RSBN1L: variants seen among roughly 807,000 people sequenced by gnomAD.
RSBN1L encodes lysine-specific demethylase RSBN1L.
RSBN1L carries 30 observed loss-of-function variants against 67.7 expected under a neutral mutation model. The observed-to-expected ratio is 0.44, with a 90% CI of 0.33 to 0.60. The LOEUF is 0.60. RSBN1L is among the 20% of genes least tolerant of loss of function. RSBN1L has a pLI of 0.02. For missense variants in RSBN1L, 992 were observed against 1,031.7 expected, an observed-to-expected ratio of 0.96 and a Z score of 0.53; for synonymous variants, 433 against 387.0, an observed-to-expected ratio of 1.12 and a Z score of -1.39.
intron 6 of RSBN1L, among the ~76,000 whole-genome samples, chr7:77,777,168 T>C (rs1040681703): frequency 6.6e-6 from 1 of 151,982 alleles, no homozygotes; most frequent in Non-Finnish European, 1.5e-5. Context: ...ATTTATTCCC[T>C]CCCCCCTCAC....
chr7:77,700,820 A>C (rs1166684014), intron 1 of RSBN1L, among the ~76,000 whole-genome samples: 1 of 152,164 alleles, frequency 6.6e-6, no homozygotes, highest in East Asian at 1.9e-4. Context: ...CCACATGGGC[A>C]AATCTGTCAG....
In RSBN1L at chr7:77,749,742, A is replaced by G; in HGVS notation, c.1022A>G (p.Asp341Gly). 6.2e-7 allele frequency: 1 copy of G among 1,614,186 alleles called. No individual in the cohort carries two copies. Among genetic ancestry groups the G allele is most frequent in the Non-Finnish European group, 8.5e-7 (1 of 1,180,020 alleles). ...GTTCAGAATAACCTCAAAAGGTTGG[A>G]CACTTTGGAATTTAAACAACTCATT... ...PRVQNNLKRL[D>G]TLEFKQLIHI... The change falls in exon 3 of 8, where the codon GAC becomes GGC. Residue 341 changes from aspartate to glycine, a missense_variant. Physicochemically the swap from Asp to Gly is moderately conservative, Grantham distance 94 (BLOSUM62 -1). Coordinates refer to ENST00000334955, the MANE Select transcript of RSBN1L (RefSeq NM_198467.3).
chr7:77,750,296 G>GTTTTTTTTTTTTTTTTTTTTTTTTTTTT (rs36054297), intron 3 of RSBN1L, among the ~76,000 whole-genome samples: 1 of 57,452 alleles, frequency 1.7e-5, no homozygotes, highest in African/African-American at 6.9e-5. Context: ...AAGATTCTGT[G>GTTTTTTTTTTTTTTTTTTTTTTTTTTTT]TTTTTTTTTT....
Position 77,737,077 on chromosome 7 carries a change from G to A in RSBN1L, c.703+551G>A, listed in dbSNP as rs908694069. ...ATTTGCTGTTTATATATGAGGGTGG[G>A]GTGGAGAGAAGAATTTGGGGGGTAG... On this transcript the variant is annotated intron_variant, in intron 2 of 7. Coordinates refer to ENST00000334955, the MANE Select transcript of RSBN1L (RefSeq NM_198467.3). 4.4e-4 allele frequency among the ~76,000 whole-genome samples: 66 copies of A among 151,506 alleles called. 2 individuals are homozygous for A.
Position 77,779,791 on chromosome 7 carries a change from A to ATT in RSBN1L, c.*625_*626dup, listed in dbSNP as rs1017205272. The ATT allele has an allele frequency of 4.0e-5, 6 of 148,874 alleles. No homozygotes were observed. The highest frequency in any genetic ancestry group is 1.5e-4 in the African/African-American group (6 of 40,576). The allele number at this position is 148,874 out of a possible 1,614,324, so 9.2% of individuals were successfully genotyped here. A position where few individuals can be genotyped will look rare whatever the true frequency, so the allele number is the denominator to read the frequency against. On this transcript the variant is annotated 3_prime_UTR_variant, in exon 8 of 8. Coordinates refer to ENST00000334955, the MANE Select transcript of RSBN1L (RefSeq NM_198467.3). Reference sequence around the variant, plus strand: ...TGTACGTAATTCAAATCTAGTAAATATTTAAGTTCCTCACACTGTGCAGGC... The same window carrying ATT: ...TGTACGTAATTCAAATCTAGTAAATATTTTTAAGTTCCTCACACTGTGCAGGC...
At chr7:77,771,024 C>T (rs949194357) in intron 5 of RSBN1L, among the ~76,000 whole-genome samples, 4 of 152,194 alleles carry the variant, frequency 2.6e-5, no homozygotes, top group South Asian at 2.1e-4. Flanking sequence ...TCACTGCAAC[C>T]TCCACCTCCC....
intron 3 of RSBN1L, among the ~76,000 whole-genome samples, chr7:77,759,050 T>C (rs1273105045): frequency 1.3e-5 from 2 of 152,232 alleles, no homozygotes; most frequent in Non-Finnish European, 2.9e-5. Context: ...TAAAAGTCTA[T>C]TATTTTAATA....
chr7:77,705,108 A>G (rs1262571276), intron 1 of RSBN1L, among the ~76,000 whole-genome samples: 1 of 152,140 alleles, frequency 6.6e-6, no homozygotes, highest in African/African-American at 2.4e-5. Flanking sequence ...AATTTGGTAT[A>G]TTGCCAGTCT....
intron 1 of RSBN1L, among the ~76,000 whole-genome samples, chr7:77,731,264 A>C (rs1031651385): frequency 2.0e-5 from 3 of 151,978 alleles, no homozygotes; most frequent in Admixed American, 1.3e-4. Context: ...TCCAGGCTTG[A>C]GTGCAGTGGC....
intron 1 of RSBN1L, among the ~76,000 whole-genome samples, chr7:77,707,442 AAATT>A (rs1790910747): frequency 6.6e-6 from 1 of 152,226 alleles, no homozygotes; most frequent in Admixed American, 6.5e-5. Context: ...TTTTATTAAG[AAATT>A]AATTTTATCA....
intron 3 of RSBN1L, among the ~76,000 whole-genome samples, chr7:77,756,193 A>G (rs1010786393): frequency 6.6e-6 from 1 of 151,874 alleles, no homozygotes; most frequent in Non-Finnish European, 1.5e-5. Context: ...GTGTAGTGGC[A>G]TGATCTCAGT....
intron 5 of RSBN1L, among the ~76,000 whole-genome samples, chr7:77,769,881 G>C (rs950189821): frequency 1.3e-5 from 2 of 152,216 alleles, no homozygotes; most frequent in Non-Finnish European, 2.9e-5. Context: ...ATGAGCTGCT[G>C]TAATTTTGTG....
At chr7:77,710,792 C>T (rs917738056) in intron 1 of RSBN1L, among the ~76,000 whole-genome samples, 1 of 151,950 alleles carries the variant, frequency 6.6e-6, no homozygotes, top group Non-Finnish European at 1.5e-5. Flanking sequence ...GATGGAGTTC[C>T]ACCATGTTGG....
chr7:77,705,115 G>A (rs1790869942), intron 1 of RSBN1L, among the ~76,000 whole-genome samples: 1 of 152,070 alleles, frequency 6.6e-6, no homozygotes, highest in African/African-American at 2.4e-5. Context: ...TATATTGCCA[G>A]TCTAGATTCG....
At chr7:77,705,672 C>T (rs1037191313) in intron 1 of RSBN1L, among the ~76,000 whole-genome samples, 2 of 151,802 alleles carry the variant, frequency 1.3e-5, no homozygotes, top group African/African-American at 4.8e-5. Context: ...CCACCATGCC[C>T]AGCTAATTTT....
At chr7:77,755,181 T>TACA in intron 3 of RSBN1L, among the ~76,000 whole-genome samples, 1 of 152,140 alleles carries the variant, frequency 6.6e-6, no homozygotes, top group Non-Finnish European at 1.5e-5. Context: ...TTACTTAATA[T>TACA]AAACCACAGC....
intron 2 of RSBN1L, among the ~76,000 whole-genome samples, chr7:77,748,531 AGGCTGGAGTGCAGTGGCACGATCTT>A (rs1310102268): frequency 6.6e-6 from 1 of 152,072 alleles, no homozygotes; most frequent in African/African-American, 2.4e-5. Context: ...TGTGTCACCC[AGGCTGGAGTGCAGTGGCACGATCTT>A]GGCTCACTGC....
intron 1 of RSBN1L, among the ~76,000 whole-genome samples, chr7:77,705,238 A>G (rs992828344): frequency 2.0e-5 from 3 of 152,216 alleles, no homozygotes; most frequent in African/African-American, 2.4e-5. Context: ...ATACCAGTCC[A>G]GCATACCTGT....
At chr7:77,755,250 A>G (rs115810478) in intron 3 of RSBN1L, among the ~76,000 whole-genome samples, 3,052 of 152,330 alleles carry the variant, frequency 0.02, 88 homozygotes, top group African/African-American at 0.069. Context: ...TCAGGAATCA[A>G]ACTTGTTGAT....
Sources: gnomAD v4.1 joint callset for allele counts (sites outside exome capture counted in the v4.1 genomes callset) on GRCh38, gnomAD v4.1.1 for gene constraint, MANE v1.5 for transcripts, NCBI Gene and HGNC (gene_info 2026-07-23, HGNC 2026-07-21) for gene names.